EPB41L5: variants seen among roughly 807,000 people sequenced by gnomAD.
EPB41L5 encodes erythrocyte membrane protein band 4.1 like 5.
EPB41L5 carries 55 observed loss-of-function variants against 106.6 expected under a neutral mutation model. The observed-to-expected ratio is 0.52, with a 90% CI of 0.42 to 0.65. The LOEUF is 0.65. Among genes scored for constraint, EPB41L5 ranks in the 30% least tolerant of loss-of-function variants. The pLI is 0.00. For missense variants in EPB41L5, 871 were observed against 882.1 expected, an observed-to-expected ratio of 0.99 and a Z score of 0.16; for synonymous variants, 297 against 306.7, an observed-to-expected ratio of 0.97 and a Z score of 0.33.
At chr2:120,021,453 G>A (rs1345508615) in intron 2 of EPB41L5, among the ~76,000 whole-genome samples, 3 of 152,050 alleles carry the variant, frequency 2.0e-5, no homozygotes, top group African/African-American at 4.8e-5. Context: ...GACCAGTCTG[G>A]CCAACATAGT....
intron 14 of EPB41L5, among the ~76,000 whole-genome samples, chr2:120,094,572 T>C (rs992153643): frequency 3.3e-5 from 5 of 152,040 alleles, no homozygotes; most frequent in African/African-American, 7.2e-5. Context: ...TTTTCTGTTT[T>C]TCTGTTTCAT....
At chr2:120,022,841 C>T (rs1051796537) in intron 2 of EPB41L5, among the ~76,000 whole-genome samples, 2 of 152,166 alleles carry the variant, frequency 1.3e-5, no homozygotes, top group African/African-American at 4.8e-5. Context: ...CTCTCCAGCA[C>T]CTGTTGTTTC....
intron 20 of EPB41L5, among the ~76,000 whole-genome samples, chr2:120,149,225 TCATC>T (rs1489541607): frequency 6.6e-6 from 1 of 152,126 alleles, no homozygotes; most frequent in Non-Finnish European, 1.5e-5. Context: ...ACCACACAAT[TCATC>T]CATTTAAAGT....
At chr2:120,122,179 A>G (rs1028176721) in intron 16 of EPB41L5, among the ~76,000 whole-genome samples, 2 of 152,082 alleles carry the variant, frequency 1.3e-5, no homozygotes, top group African/African-American at 2.4e-5. Context: ...CTTTTATTTA[A>G]TTAGGTCACA....
At chr2:120,048,560 C>G (rs1277158049) in intron 3 of EPB41L5, among the ~76,000 whole-genome samples, 1 of 151,620 alleles carries the variant, frequency 6.6e-6, no homozygotes, top group Non-Finnish European at 1.5e-5. Flanking sequence ...ATTAGTCTTG[C>G]TAGCGGTCTG....
At chr2:120,160,753 T>A in intron 20 of EPB41L5, 128 bp from the exon 21 acceptor site, 1 of 650,618 alleles carries the variant, frequency 1.5e-6, no homozygotes, top group East Asian at 2.6e-5. Context: ...CCTGATGATT[T>A]TGAGCATTTT....
intron 20 of EPB41L5, among the ~76,000 whole-genome samples, chr2:120,147,589 C>T (rs891868026): frequency 1.3e-4 from 18 of 139,464 alleles, no homozygotes; most frequent in South Asian, 1.1e-3. Flanking sequence ...CGTGCCACTG[C>T]ACTCCAGCGT....
chr2:120,100,205 C>G (rs770305409), intron 14 of EPB41L5, 39 bp from the exon 15 acceptor site: 23 of 1,552,866 alleles, frequency 1.5e-5, no homozygotes, highest in Non-Finnish European at 1.9e-5. Flanking sequence ...CCTGAAATTT[C>G]ATATAGGGTT....
At chr2:120,151,216 C>T (rs1686656222) in intron 20 of EPB41L5, among the ~76,000 whole-genome samples, 1 of 151,892 alleles carries the variant, frequency 6.6e-6, no homozygotes, top group South Asian at 2.1e-4. Flanking sequence ...AGGAGAATGG[C>T]GTGAACCTGG....
intron 10 of EPB41L5, among the ~76,000 whole-genome samples, chr2:120,083,622 G>C (rs191886979): frequency 6.6e-6 from 1 of 152,196 alleles, no homozygotes; most frequent in East Asian, 1.9e-4. Context: ...TATTAGTTCC[G>C]CTTGATGCAG....
chr2:120,163,968 TTTTTG>T (rs1362108060), intron 21 of EPB41L5, among the ~76,000 whole-genome samples: 1 of 133,050 alleles, frequency 7.5e-6, no homozygotes. Flanking sequence ...TTTTTTTATT[TTTTTG>T]TATTTACTTT....
intron 14 of EPB41L5, among the ~76,000 whole-genome samples, chr2:120,097,605 G>A (rs1164467127): frequency 6.6e-6 from 1 of 152,086 alleles, no homozygotes; most frequent in African/African-American, 2.4e-5. Flanking sequence ...TCAATTACTA[G>A]TACTTCTTAT....
chr2:120,020,514 G>A (rs1468497215), intron 2 of EPB41L5, among the ~76,000 whole-genome samples: 1 of 152,130 alleles, frequency 6.6e-6, no homozygotes, highest in African/African-American at 2.4e-5. Context: ...TATATTTTTA[G>A]GGTTTTTGAT....
intron 16 of EPB41L5, among the ~76,000 whole-genome samples, chr2:120,122,957 T>A (rs1685293055): frequency 6.6e-6 from 1 of 152,172 alleles, no homozygotes; most frequent in South Asian, 2.1e-4. Context: ...ATGATTTGGC[T>A]CTCTGTCTGT....
chr2:120,133,162 A>G (rs1002489540), intron 18 of EPB41L5, among the ~76,000 whole-genome samples: 1 of 152,162 alleles, frequency 6.6e-6, no homozygotes, highest in African/African-American at 2.4e-5. Context: ...GGTTTACTCT[A>G]TGCCAGACAA....
rs1256118428 is a variant in EPB41L5, at chr2:120,090,248, A to G, written c.874-99A>G. 7.0e-6 allele frequency: 7 copies of G among 1,006,970 alleles called. No homozygotes were observed. The Admixed American group carries it at 1.8e-4, about 26-fold the overall frequency. 62.4% of individuals were successfully genotyped at this position (1,006,970 alleles called of 1,614,324 possible). ...AGAGTGTCTGAATTTCAGGGAGCAC[A>G]CTAGATCCTTTATTCATGGATGTGT... On this transcript the variant is annotated intron_variant, in intron 11 of 24. Transcript: ENST00000263713.
chr2:120,081,389 T>G (rs990756382), intron 10 of EPB41L5, among the ~76,000 whole-genome samples: 4 of 152,246 alleles, frequency 2.6e-5, no homozygotes, highest in Admixed American at 2.6e-4. Flanking sequence ...TTCTTGTTTT[T>G]GTCAGGTTTG....
chr2:120,067,567 T>C (rs1469465877), intron 3 of EPB41L5, among the ~76,000 whole-genome samples: 1 of 152,210 alleles, frequency 6.6e-6, no homozygotes, highest in Admixed American at 6.5e-5. Flanking sequence ...ATATCTGGAA[T>C]AGGTTTTTAG....
intron 16 of EPB41L5, among the ~76,000 whole-genome samples, chr2:120,107,371 T>C (rs1047291647): frequency 2.0e-5 from 3 of 152,212 alleles, no homozygotes; most frequent in African/African-American, 7.2e-5. Flanking sequence ...TTAGGACTTA[T>C]GGATTTGCTA....
Sources: gnomAD v4.1 joint callset for allele counts (sites outside exome capture counted in the v4.1 genomes callset) on GRCh38, gnomAD v4.1.1 for gene constraint, MANE v1.5 for transcripts, NCBI Gene and HGNC (gene_info 2026-07-23, HGNC 2026-07-21) for gene names.